Variants in PRKAR2B observed in about 807,000 individuals in gnomAD.
The protein encoded by PRKAR2B is protein kinase cAMP-dependent type II regulatory subunit beta.
PRKAR2B carries 14 observed loss-of-function variants against 49.9 expected under a neutral mutation model. That is an observed-to-expected ratio of 0.28 (90% confidence interval 0.19 to 0.44). The LOEUF (loss-of-function observed/expected upper bound fraction) is 0.44, where lower values mean the gene tolerates loss of function less well. Among genes scored for constraint, PRKAR2B ranks in the 20% least tolerant of loss-of-function variants. The pLI is 1.00. For synonymous variants in PRKAR2B, 196 were observed against 197.7 expected (o/e 0.99, Z 0.07); for missense variants, 393 against 537.9 (o/e 0.73, Z 2.67).
intron 2 of PRKAR2B, among the ~76,000 whole-genome samples, chr7:107,090,642 C>A (rs941237988): frequency 2.0e-5 from 3 of 152,170 alleles, no homozygotes; most frequent in Non-Finnish European, 2.9e-5. Context: ...CCTTTCCAGC[C>A]TAAGGGGACA....
chr7:107,138,379 G>A lies in PRKAR2B; in HGVS notation c.481-2468G>A, dbSNP rs572217558. 3.9e-5 allele frequency among the ~76,000 whole-genome samples: 6 copies of A among 152,200 alleles called. No homozygotes were observed. In the South Asian group the frequency reaches 1.2e-3, roughly 32 times the overall value. On this transcript the variant is annotated intron_variant, in intron 4 of 10. Coordinates refer to ENST00000265717, the MANE Select transcript of PRKAR2B (RefSeq NM_002736.3). ...AGTATGTCTATACTTTCTGATTAAT[G>A]TTCCTATGAGCTTAAAACTGCTCTA...
At chr7:107,139,010 A>G (rs1795747557) in intron 4 of PRKAR2B, among the ~76,000 whole-genome samples, 1 of 152,164 alleles carries the variant, frequency 6.6e-6, no homozygotes, top group Non-Finnish European at 1.5e-5. Flanking sequence ...AAAAAAAATG[A>G]CAATCATATT....
chr7:107,049,856 A>C (rs1793767823), intron 1 of PRKAR2B, among the ~76,000 whole-genome samples: 3 of 152,220 alleles, frequency 2.0e-5, no homozygotes, highest in Admixed American at 6.5e-5. Flanking sequence ...GGTGGTTTTA[A>C]ATCCTCCTGA....
chr7:107,098,009 A>T (rs879885822), intron 2 of PRKAR2B, among the ~76,000 whole-genome samples: 4 of 151,936 alleles, frequency 2.6e-5, no homozygotes, highest in Non-Finnish European at 5.9e-5. Context: ...TTTCTCGAGG[A>T]GTATCTTTGT....
chr7:107,149,508 G>A (rs1488604437), intron 6 of PRKAR2B, among the ~76,000 whole-genome samples: 1 of 152,002 alleles, frequency 6.6e-6, no homozygotes, highest in Non-Finnish European at 1.5e-5. Flanking sequence ...TTCTCACATG[G>A]TGGAAGGGGC....
At chr7:107,133,971 T>C (rs756818616) in intron 4 of PRKAR2B, among the ~76,000 whole-genome samples, 14 of 152,156 alleles carry the variant, frequency 9.2e-5, no homozygotes, top group Non-Finnish European at 1.5e-4. Flanking sequence ...CATACAAATA[T>C]ATTCTTTTTC....
chr7:107,151,525 G>T (rs1302151530), intron 7 of PRKAR2B, among the ~76,000 whole-genome samples: 3 of 152,208 alleles, frequency 2.0e-5, no homozygotes, highest in Non-Finnish European at 4.4e-5. Context: ...AAATACAGAT[G>T]TCCCTTGACT....
At chr7:107,156,763 G>A (rs1417401105) in intron 8 of PRKAR2B, among the ~76,000 whole-genome samples, 1 of 151,116 alleles carries the variant, frequency 6.6e-6, no homozygotes, top group East Asian at 1.9e-4. Flanking sequence ...CCGAGATCGC[G>A]CCACTGCATT....
chr7:107,105,746 G>T (rs933616885), intron 2 of PRKAR2B, among the ~76,000 whole-genome samples: 3 of 152,158 alleles, frequency 2.0e-5, no homozygotes, highest in African/African-American at 4.8e-5. Flanking sequence ...CTTAGTGACA[G>T]TAGGCACACT....
At chr7:107,153,108 T>C in intron 7 of PRKAR2B, 69 bp from the exon 8 acceptor site, 1 of 1,228,366 alleles carries the variant, frequency 8.1e-7, no homozygotes, top group Non-Finnish European at 1.1e-6. Context: ...ACCAGTTTTT[T>C]ACTCCCGAAC....
chr7:107,140,896 A>G lies in PRKAR2B; in HGVS notation c.530A>G (p.Asp177Gly), dbSNP rs1352953019. The part of the protein sequence containing the change: ...LDAMFEKLVK[D>G]GEHVIDQGDD... ...GCCATGTTTGAAAAATTGGTCAAAGATGGGGAGCATGTAATTGATCAAGGT... is the reference window on the plus strand; with the variant it reads ...GCCATGTTTGAAAAATTGGTCAAAGGTGGGGAGCATGTAATTGATCAAGGT... Residue 177 changes from aspartate to glycine, a missense_variant, in exon 5 of 11, where the codon GAT becomes GGT. By Grantham distance (94) the Asp-to-Gly change is moderately conservative. Transcript: ENST00000265717. 1.9e-6 allele frequency: 3 copies of G among 1,613,232 alleles called. No individual in the cohort carries two copies. The highest frequency in any genetic ancestry group is 1.7e-6 in the Non-Finnish European group (2 of 1,179,512).
At chr7:107,060,647 C>T (rs1794011032) in intron 1 of PRKAR2B, among the ~76,000 whole-genome samples, 1 of 127,912 alleles carries the variant, frequency 7.8e-6, no homozygotes, top group Non-Finnish European at 1.6e-5. Flanking sequence ...TTCCTTCCTT[C>T]CTTCCTTTAA....
intron 2 of PRKAR2B, among the ~76,000 whole-genome samples, chr7:107,076,368 T>G (rs533676872): frequency 6.6e-6 from 1 of 152,192 alleles, no homozygotes; most frequent in Non-Finnish European, 1.5e-5. Flanking sequence ...ATTCAAGGAT[T>G]TTTTATTGCA....
chr7:107,083,753 C>T (rs1043298976), intron 2 of PRKAR2B, among the ~76,000 whole-genome samples: 2 of 152,024 alleles, frequency 1.3e-5, no homozygotes, highest in Non-Finnish European at 2.9e-5. Context: ...GCTGGGATTA[C>T]AGGCGCCCAC....
At chr7:107,096,541 G>T (rs1222619127) in intron 2 of PRKAR2B, among the ~76,000 whole-genome samples, 2 of 149,456 alleles carry the variant, frequency 1.3e-5, no homozygotes, top group Non-Finnish European at 3.0e-5. Context: ...GTTATTTCTT[G>T]CATTCTGCTA....
intron 2 of PRKAR2B, among the ~76,000 whole-genome samples, chr7:107,081,618 C>T (rs940385251): frequency 6.6e-6 from 1 of 152,118 alleles, no homozygotes; most frequent in African/African-American, 2.4e-5. Flanking sequence ...CAGGGTCTTC[C>T]CCTTCCCTGC....
intron 8 of PRKAR2B, 146 bp from the exon 9 acceptor site, chr7:107,156,838 G>A: frequency 5.9e-6 from 4 of 680,006 alleles, no homozygotes; most frequent in Non-Finnish European, 7.6e-6. Flanking sequence ...TTTAGAAACC[G>A]AGACAGCTTG....
intron 2 of PRKAR2B, chr7:107,077,266 C>T (rs1794416187): frequency 6.6e-6 from 1 of 152,120 alleles, no homozygotes; most frequent in South Asian, 2.1e-4. Flanking sequence ...TACCGAGTCC[C>T]TCTTGTGTGT....
intron 2 of PRKAR2B, among the ~76,000 whole-genome samples, chr7:107,086,527 T>G (rs1443926828): frequency 6.6e-6 from 1 of 151,814 alleles, no homozygotes; most frequent in Non-Finnish European, 1.5e-5. Context: ...GAGGCTGGAG[T>G]GCAGTGGCAT....
Sources: allele counts gnomAD v4.1 joint callset (sites outside exome capture counted in the v4.1 genomes callset), GRCh38; gene constraint gnomAD v4.1.1; transcripts MANE v1.5; gene names NCBI Gene and HGNC (gene_info 2026-07-23, HGNC 2026-07-21).